Variants in IL1RAPL2 observed in about 807,000 individuals in gnomAD.
IL1RAPL2 encodes the protein interleukin 1 receptor accessory protein like 2.
IL1RAPL2 carries 3 observed loss-of-function variants against 44.1 expected under a neutral mutation model. The observed-to-expected ratio is 0.07, with a 90% CI of 0.03 to 0.18. IL1RAPL2 has a LOEUF of 0.18. IL1RAPL2 is among the 10% of genes least tolerant of loss of function. The probability of loss-of-function intolerance (pLI) is 1.00; values close to 1 mark genes in which losing one functional copy is unlikely to be tolerated. For missense variants in IL1RAPL2, 391 were observed against 496.4 expected (o/e 0.79, Z 2.02); for synonymous variants, 181 against 178.8 (o/e 1.01, Z -0.10).
chrX:104,748,722 A>G (rs1932213250), intron 2 of IL1RAPL2, among the ~76,000 whole-genome samples: 2 of 111,418 alleles, frequency 1.8e-5, no homozygotes, highest in Non-Finnish European at 3.8e-5. Context: ...TTCAGAGTAG[A>G]TCCTATAATC....
intron 2 of IL1RAPL2, among the ~76,000 whole-genome samples, chrX:104,677,753 C>T (rs866653724): frequency 1.8e-5 from 2 of 111,936 alleles, no homozygotes; most frequent in East Asian, 2.9e-4. Flanking sequence ...AGCGAGACTC[C>T]GTGGGGTAGG....
At chrX:104,813,015 C>G (rs945969036) in intron 2 of IL1RAPL2, among the ~76,000 whole-genome samples, 3 of 112,199 alleles carry the variant, frequency 2.7e-5, no homozygotes, top group African/African-American at 9.7e-5. Context: ...CTTATTCACT[C>G]AACTATAACA....
chrX:105,139,208 G>T (rs1156723042), intron 2 of IL1RAPL2, among the ~76,000 whole-genome samples: 1 of 111,897 alleles, frequency 8.9e-6, no homozygotes, highest in Non-Finnish European at 1.9e-5. Context: ...ATTGAATATG[G>T]TAAGACACTG....
At chrX:104,785,303 G>T (rs753549069) in intron 2 of IL1RAPL2, among the ~76,000 whole-genome samples, 3 of 111,874 alleles carry the variant, frequency 2.7e-5, no homozygotes, top group Non-Finnish European at 3.8e-5. Context: ...GGCTTGAGTT[G>T]CCATGCCGTG....
chrX:105,758,409 A>ATCTCTCTCTCTCTC (rs59823277), intron 10 of IL1RAPL2, among the ~76,000 whole-genome samples: 1 of 102,399 alleles, frequency 9.8e-6, no homozygotes, highest in African/African-American at 3.6e-5. Flanking sequence ...GTACATGAAA[A>ATCTCTCTCTCTCTC]TCTCTCTCTC....
intron 2 of IL1RAPL2, among the ~76,000 whole-genome samples, chrX:104,966,614 C>G (rs893552722): frequency 8.9e-6 from 1 of 111,812 alleles, no homozygotes; most frequent in Non-Finnish European, 1.9e-5. Flanking sequence ...GACTGAATAA[C>G]AGGAAGAAAC....
At chrX:105,465,913 C>T (rs1024581600) in intron 5 of IL1RAPL2, among the ~76,000 whole-genome samples, 2 of 111,566 alleles carry the variant, frequency 1.8e-5, no homozygotes, top group Admixed American at 1.9e-4. Flanking sequence ...GTATTGTTCT[C>T]TAGTTTTCCT....
At chrX:104,900,629 C>T (rs1923785705) in intron 2 of IL1RAPL2, among the ~76,000 whole-genome samples, 1 of 112,251 alleles carries the variant, frequency 8.9e-6, no homozygotes, top group Non-Finnish European at 1.9e-5. Context: ...ATGCATGTCT[C>T]TCATCTTTCT....
At chrX:105,719,038 T>A (rs7881701) in intron 7 of IL1RAPL2, among the ~76,000 whole-genome samples, 5,744 of 111,196 alleles carry the variant, frequency 0.052, 394 homozygotes, top group African/African-American at 0.18. Flanking sequence ...GGAATAGCCC[T>A]CCTAGGGATA....
At chrX:105,202,479 C>G (rs1309205211) in intron 3 of IL1RAPL2, among the ~76,000 whole-genome samples, 1 of 112,393 alleles carries the variant, frequency 8.9e-6, no homozygotes, top group Non-Finnish European at 1.9e-5. Flanking sequence ...GGCAGGCCAC[C>G]TGAAACATTT....
At chrX:104,906,160 C>T (rs1176670338) in intron 2 of IL1RAPL2, among the ~76,000 whole-genome samples, 2 of 111,036 alleles carry the variant, frequency 1.8e-5, no homozygotes, top group East Asian at 5.7e-4. Context: ...ATTTTGTATC[C>T]TGAGACTTTG....
At chrX:105,014,995 A>C (rs1164933571) in intron 2 of IL1RAPL2, among the ~76,000 whole-genome samples, 1 of 111,554 alleles carries the variant, frequency 9.0e-6, no homozygotes, top group African/African-American at 3.3e-5. Context: ...TGACTTTTTA[A>C]TGATTGCCAT....
chrX:104,605,421 G>A (rs1293478873), intron 1 of IL1RAPL2, among the ~76,000 whole-genome samples: 6 of 111,082 alleles, frequency 5.4e-5, no homozygotes, highest in African/African-American at 2.0e-4. Context: ...AGAGAAGCAA[G>A]AACAAACAAA....
Position 104,671,226 on chromosome X carries a change from C to G in IL1RAPL2, c.82+12231C>G, listed in dbSNP as rs573062628. ...CACACAAACACACAATTCATTTAGG[C>G]TCCAGGCTTCTCAGTCCTATTTTTG... On this transcript the variant is annotated intron_variant, in intron 2 of 10. Coordinates refer to ENST00000372582, the MANE Select transcript of IL1RAPL2 (RefSeq NM_017416.2). 3.5e-4 allele frequency among the ~76,000 whole-genome samples: 39 copies of G among 110,814 alleles called. No homozygotes were observed. In the South Asian group the frequency reaches 0.014, roughly 41 times the overall value.
At chrX:105,060,391 T>C (rs2032056469) in intron 2 of IL1RAPL2, among the ~76,000 whole-genome samples, 1 of 111,792 alleles carries the variant, frequency 8.9e-6, no homozygotes, top group African/African-American at 3.2e-5. Context: ...TCTGTTGATA[T>C]GATGTATCTC....
At position 104,759,719 on chromosome X, in the gene IL1RAPL2, G is replaced by A. The variant is rs140573064; in HGVS notation, c.82+100724G>A. On this transcript the variant is annotated intron_variant, in intron 2 of 10. Transcript: ENST00000372582. Reference sequence around the variant, plus strand: ...TATATATTTATGGAATACATGAGATGTTGTGATACAGGCATGCAGTGTGAA... The same window carrying A: ...TATATATTTATGGAATACATGAGATATTGTGATACAGGCATGCAGTGTGAA... Among the ~76,000 whole-genome samples, 7 of 111,495 alleles carry A rather than the reference G, an allele frequency of 6.3e-5. No individual in the cohort carries two copies. In the East Asian group the frequency reaches 1.1e-3, roughly 18 times the overall value.
chrX:104,630,979 T>C (rs1057237055), intron 1 of IL1RAPL2, among the ~76,000 whole-genome samples: 1 of 110,700 alleles, frequency 9.0e-6, no homozygotes, highest in Non-Finnish European at 1.9e-5. Context: ...CCTAATGCTA[T>C]CCTACCCCCC....
intron 2 of IL1RAPL2, among the ~76,000 whole-genome samples, chrX:104,811,541 G>A (rs1448512219): frequency 4.5e-5 from 5 of 111,076 alleles, no homozygotes; most frequent in Non-Finnish European, 9.5e-5. Context: ...TTTTGAAAGA[G>A]GGACAAATTT....
chrX:105,607,522 T>C (rs1411055339), intron 6 of IL1RAPL2, among the ~76,000 whole-genome samples: 1 of 107,267 alleles, frequency 9.3e-6, no homozygotes, highest in African/African-American at 3.4e-5. Context: ...ACCATGTTCT[T>C]TTAATTATGA....
Sources: allele counts gnomAD v4.1 joint callset (sites outside exome capture counted in the v4.1 genomes callset), GRCh38; gene constraint gnomAD v4.1.1; transcripts MANE v1.5; gene names NCBI Gene and HGNC (gene_info 2026-07-23, HGNC 2026-07-21).